Variants in MPP3 observed in about 807,000 individuals in gnomAD.
MPP3 encodes the protein MAGUK p55 subfamily member 3.
A neutral mutation model predicts 80.7 loss-of-function variants in MPP3; 48 were observed. The ratio of observed to expected loss-of-function variants is 0.59; its 90% CI spans 0.47 to 0.76. MPP3 has a LOEUF of 0.76. Ranked by LOEUF, MPP3 falls within the 30% of genes least tolerant of loss-of-function variation. The probability of loss-of-function intolerance (pLI) is 0.00; values close to 1 mark genes in which losing one functional copy is unlikely to be tolerated. For synonymous variants in MPP3, 311 were observed against 297.6 expected (o/e 1.04, Z -0.46); for missense variants, 620 against 763.0 (o/e 0.81, Z 2.21).
chr17:43,802,475 G>A (rs2044451511), intron 19 of MPP3, among the ~76,000 whole-genome samples: 1 of 152,104 alleles, frequency 6.6e-6, no homozygotes, highest in Non-Finnish European at 1.5e-5. Flanking sequence ...GAAAGCACTG[G>A]ACAATTCTAA....
chr17:43,831,975 G>A (rs1334457765), intron 2 of MPP3, 32 bp from the exon 3 acceptor site: 1 of 1,359,814 alleles, frequency 7.4e-7, no homozygotes, highest in African/African-American at 1.4e-5. Flanking sequence ...GGGTATTGAA[G>A]CTCCATCAAG....
chr17:43,814,563 G>C (rs2045025184), intron 14 of MPP3: 1 of 488,992 alleles, frequency 2.0e-6, no homozygotes, highest in African/African-American at 1.9e-5. Flanking sequence ...TCACAAACTA[G>C]GGCTTAAGGT....
At chr17:43,818,251 A>G in intron 11 of MPP3, 141 bp from the exon 12 acceptor site, 1 of 596,560 alleles carries the variant, frequency 1.7e-6, no homozygotes, top group Non-Finnish European at 2.7e-6. Flanking sequence ...CCTCCTGCTT[A>G]GCACTAAGTT....
intron 6 of MPP3, 102 bp downstream of exon 6, chr17:43,829,925 C>T (rs772030284): frequency 8.0e-5 from 123 of 1,530,426 alleles, no homozygotes; most frequent in Non-Finnish European, 1.0e-4. Flanking sequence ...TGCTGAGGAT[C>T]GCTCCCTCAG....
chr17:43,831,912 C>T lies in MPP3; in HGVS notation c.-6G>A, dbSNP rs753249762. On this transcript the variant is annotated 5_prime_UTR_variant, in exon 3 of 20. Coordinates refer to ENST00000398389, the MANE Select transcript of MPP3 (RefSeq NM_001932.6). ...TCCTCCGATAGCACTGGCATGCTGGCGTTGTCACCTCCCGACCTCTCCCTG... is the reference window on the plus strand; with the variant it reads ...TCCTCCGATAGCACTGGCATGCTGGTGTTGTCACCTCCCGACCTCTCCCTG... 5.0e-6 allele frequency: 8 copies of T among 1,612,520 alleles called. No individual in the cohort carries two copies. Among genetic ancestry groups the T allele is most frequent in the South Asian group, 3.3e-5 (3 of 90,904 alleles).
Position 43,810,922 on chromosome 17 carries a change from C to T in MPP3, c.1350-7G>A, listed in dbSNP as rs1270988338. The T allele has an allele frequency of 1.3e-6, 2 of 1,593,586 alleles. No homozygotes were observed. Among genetic ancestry groups the T allele is most frequent in the East Asian group, 2.2e-5 (1 of 44,756 alleles). ...TTCACCATGTTCCAGGAACCTAAAA[C>T]ACCACCAAAGGGGAAAAGGCCTTTA... On this transcript the variant is annotated splice_region_variant and splice_polypyrimidine_tract_variant and intron_variant, in intron 17 of 19. Transcript: ENST00000398389.
rs199578429 is a variant in MPP3 at position 43,814,076 on chromosome 17, C to T, written c.1190G>A (p.Arg397Gln). The T allele has an allele frequency of 4.3e-5, 69 of 1,613,060 alleles. No individual in the cohort carries two copies. The African/African-American group carries it at 7.6e-4, about 18-fold the overall frequency. The change falls in exon 16 of 20, where the codon CGA becomes CAA. Residue 397 changes from arginine (R) to glutamine (Q), a missense_variant. Coordinates refer to ENST00000398389, the MANE Select transcript of MPP3 (RefSeq NM_001932.6). The stretch of plus-strand genomic sequence containing the variant: ...CACCTTTTGCTTCAGCTCGTGCAGT[C>T]GGGCTCCCAGAGACCCTGGGAAACA... ...LVVLIGSLGA[R>Q]LHELKQKVVA...
chr17:43,801,614 CGCTTGAGATTCCTTGATGGT>C lies in MPP3; in HGVS notation c.*67_*86del. On this transcript the variant is annotated 3_prime_UTR_variant, in exon 20 of 20. Coordinates refer to ENST00000398389, the MANE Select transcript of MPP3 (RefSeq NM_001932.6). ...TTGTGGAGAATTCTCTCCCTCTCTG[CGCTTGAGATTCCTTGATGGT>C]AAAATGAGGGAGTCTGGACTAGATG... The C allele has an allele frequency of 7.8e-7, 1 of 1,281,634 alleles. No homozygotes were observed. The highest frequency in any genetic ancestry group is 1.1e-6 in the Non-Finnish European group (1 of 891,946). 79.4% of individuals were successfully genotyped at this position (1,281,634 alleles called of 1,614,324 possible).
chr17:43,815,275 C>T (rs895339970), intron 14 of MPP3, among the ~76,000 whole-genome samples: 1 of 151,934 alleles, frequency 6.6e-6, no homozygotes, highest in Non-Finnish European at 1.5e-5. Context: ...GAGGCTGCAG[C>T]GATTTGTGAT....
At chr17:43,812,333 T>C (rs2154591233) in intron 16 of MPP3, among the ~76,000 whole-genome samples, 1 of 152,326 alleles carries the variant, frequency 6.6e-6, no homozygotes, top group South Asian at 2.1e-4. Context: ...GGCATCTTAG[T>C]CCAACCTCCG....
chr17:43,817,925 T>G, intron 12 of MPP3, 121 bp downstream of exon 12: 6 of 384,882 alleles, frequency 1.6e-5, no homozygotes, highest in East Asian at 2.4e-4. Context: ...CTGGAGTCCA[T>G]GAGCTCAGAC....
chr17:43,823,052 A>C (rs1431826645), intron 10 of MPP3, among the ~76,000 whole-genome samples: 1 of 152,098 alleles, frequency 6.6e-6, no homozygotes, highest in Non-Finnish European at 1.5e-5. Flanking sequence ...CCTGCTTGAT[A>C]ACACACCCTT....
In MPP3 at chr17:43,810,898, T is replaced by C. The variant is rs772929251; in HGVS notation, c.1367A>G (p.Glu456Gly). The C allele has an allele frequency of 1.9e-6, 3 of 1,605,622 alleles. No individual in the cohort carries two copies. The East Asian group carries it at 6.7e-5, about 36-fold the overall frequency. The stretch of plus-strand genomic sequence containing the variant: ...GGTTCCATACAGATTTTCCTTATAT[T>C]CACCATGTTCCAGGAACCTAAAACA... ...LHHNKFLEHGEYKENLYGTSL... is the reference protein window; with the variant it reads ...LHHNKFLEHGGYKENLYGTSL... Residue 456 changes from glutamate (E) to glycine (G), a missense_variant, in exon 18 of 20, where the codon GAA (glutamate) becomes GGA (glycine). Glu to Gly is a moderately conservative substitution (Grantham distance 98). Transcript: ENST00000398389.
At chr17:43,811,468 T>C in intron 16 of MPP3, 1 of 446,120 alleles carries the variant, frequency 2.2e-6, no homozygotes. Context: ...GGTTCAGCAC[T>C]GTGCACAGTG....
chr17:43,825,760 A>G lies in MPP3; in HGVS notation c.605T>C (p.Ile202Thr). ...LHKRPDEISQ[I>T]LAQSQGSITL... is the part of the protein sequence containing the mutation. ...TAGCAGGCTTGTAGCACGGACCAGAATCTGGCTGATCTCGTCGGGCCGCTT... is the reference window on the plus strand; with the variant it reads ...TAGCAGGCTTGTAGCACGGACCAGAGTCTGGCTGATCTCGTCGGGCCGCTT... The change falls in exon 9 of 20, where the codon ATT (isoleucine) becomes ACT (threonine). Residue 202 changes from isoleucine (I) to threonine (T), a missense_variant. By Grantham distance (89) the Ile-to-Thr change is moderately conservative. Coordinates refer to ENST00000398389, the MANE Select transcript of MPP3 (RefSeq NM_001932.6). 1 of 1,608,486 alleles carries G rather than the reference A, an allele frequency of 6.2e-7. No individual in the cohort carries two copies.
At chr17:43,813,163 G>A (rs1216618771) in intron 16 of MPP3, among the ~76,000 whole-genome samples, 1 of 152,180 alleles carries the variant, frequency 6.6e-6, no homozygotes, top group African/African-American at 2.4e-5. Context: ...CCAAGGGCAC[G>A]AAGTGGGAGG....
intron 16 of MPP3, among the ~76,000 whole-genome samples, chr17:43,812,828 C>T (rs905056738): frequency 2.0e-5 from 3 of 152,168 alleles, no homozygotes; most frequent in South Asian, 4.1e-4. Flanking sequence ...CTTGGAAGGC[C>T]GTGGCTCCCT....
At chr17:43,818,016 C>T in intron 12 of MPP3, 30 bp downstream of exon 12, 1 of 1,552,718 alleles carries the variant, frequency 6.4e-7, no homozygotes. Flanking sequence ...CGGGCCCTCC[C>T]TGGAGTGCCA....
chr17:43,821,845 T>C (rs1362699284), intron 10 of MPP3, among the ~76,000 whole-genome samples: 2 of 152,220 alleles, frequency 1.3e-5, no homozygotes, highest in African/African-American at 4.8e-5. Flanking sequence ...TCTATTCCTT[T>C]GTATGCCAAC....
Sources: gnomAD v4.1 joint callset for allele counts (sites outside exome capture counted in the v4.1 genomes callset) on GRCh38, gnomAD v4.1.1 for gene constraint, MANE v1.5 for transcripts, NCBI Gene and HGNC (gene_info 2026-07-23, HGNC 2026-07-21) for gene names.